PCDH11Y: variants seen among roughly 807,000 people sequenced by gnomAD.
The protein encoded by PCDH11Y is protocadherin-11 Y-linked.
For synonymous variants in PCDH11Y, 9 were observed against 83.6 expected, an observed-to-expected ratio of 0.11 and a Z score of 4.87; for missense variants, 12 against 224.8, an observed-to-expected ratio of 0.05 and a Z score of 6.05.
chrY:5,339,444 C>T (rs1297407674), intron 2 of PCDH11Y, among the ~76,000 whole-genome samples: 3 of 31,865 alleles, frequency 9.4e-5, no homozygotes, highest in Non-Finnish European at 2.3e-4. Context: ...CTCTGCCTCC[C>T]GGGTTCAAGC....
intron 3 of PCDH11Y, among the ~76,000 whole-genome samples, chrY:5,042,994 C>A: frequency 9.2e-5 from 3 of 32,450 alleles, no homozygotes; most frequent in Admixed American, 8.6e-4. Context: ...TGTTTATCAG[C>A]TGAAGGAGAT....
intron 2 of PCDH11Y, among the ~76,000 whole-genome samples, chrY:5,363,321 T>A (rs35441269): frequency 3.0e-5 from 1 of 33,152 alleles, no homozygotes; most frequent in South Asian, 6.6e-4. Flanking sequence ...GATAATCATT[T>A]GTAGTATTAT....
At chrY:5,665,631 A>C in intron 4 of PCDH11Y, among the ~76,000 whole-genome samples, 1 of 33,583 alleles carries the variant, frequency 3.0e-5, no homozygotes, top group African/African-American at 1.2e-4. Context: ...GAAAATTCTT[A>C]TCTCTCTGTA....
chrY:5,062,712 AT>A (rs2052677694), intron 1 of PCDH11Y, among the ~76,000 whole-genome samples: 2 of 33,351 alleles, frequency 6.0e-5, no homozygotes, highest in African/African-American at 2.3e-4. Context: ...TATATCTGTT[AT>A]TAAAAATCCC....
At chrY:5,340,224 T>C (rs2558172) in intron 2 of PCDH11Y, among the ~76,000 whole-genome samples, 5 of 32,639 alleles carry the variant, frequency 1.5e-4, no homozygotes, top group Admixed American at 2.8e-4. Flanking sequence ...ACTGAAGAAC[T>C]TGGAGTTTGA....
chrY:5,440,770 G>T (rs1417944748), intron 2 of PCDH11Y, among the ~76,000 whole-genome samples: 16 of 26,783 alleles, frequency 6.0e-4, no homozygotes, highest in Middle Eastern at 0.026. Context: ...GAGAGAGAGA[G>T]AGAGAGAGAG....
At chrY:5,455,297 G>A (rs2053297024) in intron 2 of PCDH11Y, among the ~76,000 whole-genome samples, 1 of 33,317 alleles carries the variant, frequency 3.0e-5, no homozygotes, top group Non-Finnish European at 7.4e-5. Flanking sequence ...TTCCATCTGC[G>A]AACACAGCAG....
intron 3 of PCDH11Y, among the ~76,000 whole-genome samples, chrY:5,577,511 A>G (rs2124697077): frequency 3.0e-5 from 1 of 33,553 alleles, no homozygotes; most frequent in African/African-American, 1.2e-4. Context: ...TAAAGGCAAC[A>G]TTATGACTTT....
exon 5 of PCDH11Y, chrY:5,738,347 T>TAACC (rs2053613355): frequency 1.6e-5 from 1 of 61,444 alleles, no homozygotes; most frequent in South Asian, 1.1e-4. Context: ...TACCTTTAGT[T>TAACC]TACCTAAACT....
intron 2 of PCDH11Y, among the ~76,000 whole-genome samples, chrY:5,406,616 G>A: frequency 3.0e-5 from 1 of 33,606 alleles, no homozygotes; most frequent in Non-Finnish European, 7.4e-5. Context: ...TATCCTTAAT[G>A]TTTTTGCATG....
At chrY:5,678,794 G>C in intron 4 of PCDH11Y, among the ~76,000 whole-genome samples, 1 of 33,187 alleles carries the variant, frequency 3.0e-5, no homozygotes, top group Non-Finnish European at 7.4e-5. Context: ...TCATCTAATA[G>C]CAGAGGTCTT....
intron 2 of PCDH11Y, among the ~76,000 whole-genome samples, chrY:5,326,220 C>G (rs1489501225): frequency 4.5e-3 from 148 of 32,742 alleles, no homozygotes; most frequent in Non-Finnish European, 8.6e-3. Context: ...GTAGGAAAGG[C>G]CTTTACTTTA....
At chrY:5,242,122 C>T (rs976868210) in intron 2 of PCDH11Y, among the ~76,000 whole-genome samples, 2 of 28,483 alleles carry the variant, frequency 7.0e-5, no homozygotes, top group Admixed American at 3.4e-4. Context: ...ACTGCCGTAG[C>T]GCATGTTTGT....
chrY:5,692,640 T>A (rs2124710953), intron 4 of PCDH11Y, among the ~76,000 whole-genome samples: 1 of 33,016 alleles, frequency 3.0e-5, no homozygotes, highest in South Asian at 6.7e-4. Flanking sequence ...GAGTGGACAC[T>A]CATTTAAAGT....
intron 4 of PCDH11Y, among the ~76,000 whole-genome samples, chrY:5,600,428 T>C: frequency 3.2e-5 from 1 of 31,601 alleles, no homozygotes; most frequent in Non-Finnish European, 7.6e-5. Flanking sequence ...AACTTCCCAA[T>C]TGGATTAGAC....
intron 2 of PCDH11Y, among the ~76,000 whole-genome samples, chrY:5,481,825 CTTA>C (rs2053326057): frequency 3.2e-5 from 1 of 31,103 alleles, no homozygotes; most frequent in African/African-American, 1.3e-4. Context: ...TGATTTCATT[CTTA>C]TTAATTACTA....
At chrY:5,399,495 AT>A (rs1442754679) in intron 2 of PCDH11Y, among the ~76,000 whole-genome samples, 22 of 22,036 alleles carry the variant, frequency 1.0e-3, no homozygotes, top group African/African-American at 2.7e-3. Flanking sequence ...AGACTGTAGA[AT>A]TTTTTTTTTT....
At chrY:5,124,321 T>C in intron 2 of PCDH11Y, among the ~76,000 whole-genome samples, 1 of 32,958 alleles carries the variant, frequency 3.0e-5, no homozygotes, top group African/African-American at 1.2e-4. Context: ...CTTCCTCAAT[T>C]CCCAATTGCT....
chrY:5,065,700 TTTTTGTTTTG>T (rs2052685458), intron 1 of PCDH11Y, among the ~76,000 whole-genome samples: 1 of 31,965 alleles, frequency 3.1e-5, no homozygotes, highest in African/African-American at 1.2e-4. Context: ...CCTAGTTCAG[TTTTTGTTTTG>T]TTTTGTTTTG....
Sources: gnomAD v4.1 joint callset for allele counts (sites outside exome capture counted in the v4.1 genomes callset) on GRCh38, gnomAD v4.1.1 for gene constraint, MANE v1.5 for transcripts, NCBI Gene and HGNC (gene_info 2026-07-23, HGNC 2026-07-21) for gene names.